LRFN2: variants seen among roughly 807,000 people sequenced by gnomAD.
The protein encoded by LRFN2 is leucine rich repeat and fibronectin type III domain containing 2, also known as leucine-rich repeat and fibronectin type-III domain-containing protein 2.
A neutral mutation model predicts 37.3 loss-of-function variants in LRFN2; 18 were observed. The ratio of observed to expected loss-of-function variants is 0.48; its 90% CI spans 0.33 to 0.72. The LOEUF is 0.72. Among genes scored for constraint, LRFN2 ranks in the 30% least tolerant of loss-of-function variants. The pLI is 0.02. For missense variants in LRFN2, 1,006 were observed against 1,060.7 expected, an observed-to-expected ratio of 0.95 and a Z score of 0.72; for synonymous variants, 556 against 466.6, an observed-to-expected ratio of 1.19 and a Z score of -2.47.
rs1316514683 is a variant in LRFN2 at position 40,468,839 on chromosome 6, A to G, written c.-18-35708T>C. On this transcript the variant is annotated intron_variant, in intron 1 of 2. Coordinates refer to ENST00000338305, the MANE Select transcript of LRFN2 (RefSeq NM_020737.3). Reference sequence around the variant, plus strand: ...TGGCTTCATTTGTAAAATGGGAATCATGTCGGCCCTATGTATCCTCCCGGT... The same window carrying G: ...TGGCTTCATTTGTAAAATGGGAATCGTGTCGGCCCTATGTATCCTCCCGGT... 2.6e-5 allele frequency among the ~76,000 whole-genome samples: 4 copies of G among 152,076 alleles called. No homozygotes were observed. In the East Asian group the frequency reaches 7.7e-4, roughly 29 times the overall value.
chr6:40,456,544 T>C (rs1764240272), intron 1 of LRFN2, among the ~76,000 whole-genome samples: 1 of 152,246 alleles, frequency 6.6e-6, no homozygotes, highest in African/African-American at 2.4e-5. Context: ...CACAAAATAA[T>C]GATCGTGCTG....
intron 2 of LRFN2, among the ~76,000 whole-genome samples, chr6:40,425,619 C>G (rs1421207281): frequency 1.3e-5 from 2 of 152,180 alleles, no homozygotes; most frequent in Admixed American, 6.5e-5. Flanking sequence ...TAGTGCCAGC[C>G]CCTTCCTGAC....
At chr6:40,535,913 G>A (rs1197513247) in intron 1 of LRFN2, among the ~76,000 whole-genome samples, 3 of 152,086 alleles carry the variant, frequency 2.0e-5, no homozygotes, top group Non-Finnish European at 4.4e-5. Context: ...GAAAGACAAG[G>A]AGAAGGAGGT....
chr6:40,502,554 G>A (rs1765412077), intron 1 of LRFN2, among the ~76,000 whole-genome samples: 1 of 152,204 alleles, frequency 6.6e-6, no homozygotes, highest in South Asian at 2.1e-4. Context: ...CCTGACTCCT[G>A]TCCTTCCTGG....
chr6:40,461,244 A>C (rs1044573801), intron 1 of LRFN2, among the ~76,000 whole-genome samples: 11 of 151,910 alleles, frequency 7.2e-5, no homozygotes, highest in African/African-American at 2.4e-4. Flanking sequence ...TAGTCTCTAC[A>C]AAAAAATAAA....
In LRFN2 at chr6:40,553,752, G is replaced by A. The variant is rs534782931; in HGVS notation, c.-19+33189C>T. Among the ~76,000 whole-genome samples, 135 of 152,280 alleles carry A rather than the reference G, an allele frequency of 8.9e-4. 3 individuals carry two copies. The South Asian group carries it at 0.025, about 28-fold the overall frequency. On this transcript the variant is annotated intron_variant, in intron 1 of 2. Coordinates refer to ENST00000338305, the MANE Select transcript of LRFN2 (RefSeq NM_020737.3). Reference sequence around the variant, plus strand: ...TGAAATACACTTATCCATTATCTCCGTAAGTAGTCTTACAGGTGGATAATA... The same window carrying A: ...TGAAATACACTTATCCATTATCTCCATAAGTAGTCTTACAGGTGGATAATA...
intron 1 of LRFN2, among the ~76,000 whole-genome samples, chr6:40,580,789 A>G (rs1316224121): frequency 6.6e-6 from 1 of 152,150 alleles, no homozygotes; most frequent in African/African-American, 2.4e-5. Flanking sequence ...AATATGTGGG[A>G]GTGTTGCATT....
rs1581671025 is a variant in LRFN2 at position 40,392,907 on chromosome 6, A to G, written c.1406T>C (p.Ile469Thr). 6.2e-7 allele frequency: 1 copy of G among 1,606,168 alleles called. No individual in the cohort carries two copies. Residue 469 changes from isoleucine (I) to threonine (T), a missense_variant, in exon 3 of 3, where the codon ATC becomes ACC. This residue lies in a region of LRFN2 where 120 missense variants were observed against 178.4 expected (regional missense o/e 0.67). Transcript: ENST00000338305. This position sits in a 1 kb window ranked among gnomAD's most constrained non-coding sequence, Gnocchi z 4.7. ...CACGAAGGCCTTGTTGGAGGCTGGG[A>G]TCATCCTGGGGAGGGAGGTGGACAG... Reference protein sequence around the residue: ...SDDEVLIYRMIPASNKAFVVN... With the variant: ...SDDEVLIYRMTPASNKAFVVN...
chr6:40,560,634 T>G lies in LRFN2; in HGVS notation c.-19+26307A>C, dbSNP rs572820250. Among the ~76,000 whole-genome samples the G allele has an allele frequency of 4.3e-4, 66 of 152,298 alleles. No homozygotes were observed. The Middle Eastern group carries it at 0.01, about 24-fold the overall frequency. On this transcript the variant is annotated intron_variant, in intron 1 of 2. Coordinates refer to ENST00000338305, the MANE Select transcript of LRFN2 (RefSeq NM_020737.3). ...CAGATTGGTGTTTATCAAACCGCAG[T>G]TCATGATCCATCGGTTGGTCATGGA...
chr6:40,453,686 C>A (rs1265619802), intron 1 of LRFN2, among the ~76,000 whole-genome samples: 2 of 152,258 alleles, frequency 1.3e-5, no homozygotes, highest in South Asian at 4.1e-4. Context: ...GAAGCGTGAT[C>A]AGGACTGGGT....
At chr6:40,425,933 G>A (rs2113818794) in intron 2 of LRFN2, among the ~76,000 whole-genome samples, 1 of 152,330 alleles carries the variant, frequency 6.6e-6, no homozygotes, top group East Asian at 1.9e-4. Context: ...CTGGTATGTA[G>A]ACTAGACCCT....
At position 40,431,843 on chromosome 6, in the gene LRFN2, C is replaced by A. The variant is rs140611678; in HGVS notation, c.1271G>T (p.Arg424Leu). The change falls in exon 2 of 3, where the codon CGG (arginine) becomes CTG (leucine). Residue 424 changes from arginine to leucine, a missense_variant. Coordinates refer to ENST00000338305, the MANE Select transcript of LRFN2 (RefSeq NM_020737.3). ...GGEPPKSPPE[R>L]AVLVSEVTTT... is the part of the protein sequence containing the mutation. ...GGTCACTTCAGACACAAGCACAGCCCGTTCCGGGGGGCTTTTGGGAGGCTC... is the reference window on the plus strand; with the variant it reads ...GGTCACTTCAGACACAAGCACAGCCAGTTCCGGGGGGCTTTTGGGAGGCTC... 3.2e-6 allele frequency: 5 copies of A among 1,580,540 alleles called. No homozygotes were observed. Among genetic ancestry groups the A allele is most frequent in the African/African-American group, 1.3e-5 (1 of 74,492 alleles).
intron 1 of LRFN2, among the ~76,000 whole-genome samples, chr6:40,552,131 C>T (rs1435329550): frequency 6.6e-6 from 1 of 152,188 alleles, no homozygotes; most frequent in Non-Finnish European, 1.5e-5. Flanking sequence ...CAATCTGCAG[C>T]TCCATTCTGC....
At chr6:40,581,602 G>C (rs1030451174) in intron 1 of LRFN2, among the ~76,000 whole-genome samples, 1 of 152,192 alleles carries the variant, frequency 6.6e-6, no homozygotes, top group Non-Finnish European at 1.5e-5. Flanking sequence ...TACAGGAAAG[G>C]TTGAATCAAG....
intron 1 of LRFN2, chr6:40,516,548 T>C (rs1765881449): frequency 6.6e-6 from 1 of 152,170 alleles, no homozygotes; most frequent in African/African-American, 2.4e-5. Context: ...CTGATTTAAT[T>C]TGCAGGAATC....
In LRFN2 at chr6:40,391,869, A is replaced by G; in HGVS notation, c.*74T>C. Reference sequence around the variant, plus strand: ...ATGTAAACATCACCATGGAAACTCCACAAACACTTGCCAGTGAGATTCTTT... The same window carrying G: ...ATGTAAACATCACCATGGAAACTCCGCAAACACTTGCCAGTGAGATTCTTT... On this transcript the variant is annotated 3_prime_UTR_variant, in exon 3 of 3. Transcript: ENST00000338305. 7.0e-7 allele frequency: 1 copy of G among 1,438,536 alleles called. No individual in the cohort carries two copies. Among genetic ancestry groups the G allele is most frequent in the Non-Finnish European group, 9.3e-7 (1 of 1,079,232 alleles). The allele number at this position is 1,438,536 out of a possible 1,614,324, so 89.1% of individuals were successfully genotyped here.
intron 1 of LRFN2, among the ~76,000 whole-genome samples, chr6:40,575,400 C>A (rs1324283478): frequency 6.6e-6 from 1 of 151,980 alleles, no homozygotes; most frequent in African/African-American, 2.4e-5. Flanking sequence ...AGGATGTCAC[C>A]CTCCTTCCAT....
At chr6:40,418,612 T>C (rs1763148114) in intron 2 of LRFN2, among the ~76,000 whole-genome samples, 1 of 152,160 alleles carries the variant, frequency 6.6e-6, no homozygotes, top group Non-Finnish European at 1.5e-5. Context: ...AACTAGACCC[T>C]GGCTTCTCAT....
chr6:40,454,541 T>A (rs1421990971), intron 1 of LRFN2, among the ~76,000 whole-genome samples: 2 of 151,816 alleles, frequency 1.3e-5, no homozygotes, highest in Non-Finnish European at 2.9e-5. Context: ...CAGAAGGAGG[T>A]CATTGTACCC....
Sources: allele counts gnomAD v4.1 joint callset (sites outside exome capture counted in the v4.1 genomes callset), GRCh38; gene constraint gnomAD v4.1.1; regional missense constraint gnomAD v4.1.1; non-coding constraint Gnocchi (gnomAD v3.1); transcripts MANE v1.5; gene names NCBI Gene and HGNC (gene_info 2026-07-23, HGNC 2026-07-21).